RAET1G: variants seen among roughly 807,000 people sequenced by gnomAD.
RAET1G encodes retinoic acid early transcript 1G, also known as UL-16 binding protein 5.
A neutral mutation model predicts 29.5 loss-of-function variants in RAET1G; 25 were observed. That is an observed-to-expected ratio of 0.85 (90% CI 0.62 to 1.18). RAET1G has a LOEUF of 1.18. Ranked by LOEUF, RAET1G falls within the 50% of genes most tolerant of loss-of-function variation. The pLI is 0.00. For missense variants in RAET1G, 434 were observed against 423.6 expected, an observed-to-expected ratio of 1.02 and a Z score of -0.22; for synonymous variants, 167 against 159.5, an observed-to-expected ratio of 1.05 and a Z score of -0.36.
chr6:149,921,870 C>A (rs1778606866), intron 1 of RAET1G, among the ~76,000 whole-genome samples: 1 of 152,166 alleles, frequency 6.6e-6, no homozygotes, highest in Non-Finnish European at 1.5e-5. Flanking sequence ...GTAATCCCCT[C>A]ATCTAGGGTC....
At position 149,918,167 on chromosome 6, in the gene RAET1G, C is replaced by T. The variant is rs544085597; in HGVS notation, c.842+7G>A. 1.4e-4 allele frequency: 232 copies of T among 1,613,566 alleles called. 3 individuals carry two copies. The South Asian group carries it at 2.3e-3, about 16-fold the overall frequency. On this transcript the variant is annotated splice_region_variant and intron_variant, in intron 4 of 4. Coordinates refer to ENST00000367360, the MANE Select transcript of RAET1G (RefSeq NM_001001788.4). Reference sequence around the variant, plus strand: ...CCTTTGCTCCACTCCCAATTCTGCCCCCATACCTGTCACTCCAAAGGACTC... The same window carrying T: ...CCTTTGCTCCACTCCCAATTCTGCCTCCATACCTGTCACTCCAAAGGACTC...
Position 149,923,057 on chromosome 6 carries a change from G to A in RAET1G, c.-47C>T, listed in dbSNP as rs916095418. ...ACAGCAGAAGCGAAGCCCAGCCCGT[G>A]GATCACCTGGCGGCTCGCAGGCTGT... On this transcript the variant is annotated 5_prime_UTR_variant, in exon 1 of 5. Coordinates refer to ENST00000367360, the MANE Select transcript of RAET1G (RefSeq NM_001001788.4). The A allele has an allele frequency of 2.1e-6, 3 of 1,411,902 alleles. No individual in the cohort carries two copies. In the African/African-American group the frequency reaches 4.2e-5, roughly 20 times the overall value. 87.5% of individuals were successfully genotyped at this position (1,411,902 alleles called of 1,614,324 possible).
Position 149,918,354 on chromosome 6 carries a change from T to G in RAET1G, c.662A>C (p.Gln221Pro). Residue 221 changes from glutamine (Q) to proline (P), a missense_variant, in exon 4 of 5, where the codon CAA becomes CCA. Physicochemically the swap from Gln to Pro is moderately conservative, Grantham distance 76 (BLOSUM62 -1). Transcript: ENST00000367360. ...APPTMSSGTAQPRATATTLIL... is the reference protein window; with the variant it reads ...APPTMSSGTAPPRATATTLIL... ...GAGGGTGGTGGCCGTGGCCCTGGGTTGGGCTGTGCCTGAGGACATGGTGGG... is the reference window on the plus strand; with the variant it reads ...GAGGGTGGTGGCCGTGGCCCTGGGTGGGGCTGTGCCTGAGGACATGGTGGG... 6.2e-7 allele frequency: 1 copy of G among 1,614,078 alleles called. No homozygotes were observed. The highest frequency in any genetic ancestry group is 1.3e-5 in the African/African-American group (1 of 75,020).
chr6:149,922,578 G>A (rs1439002425), intron 1 of RAET1G, among the ~76,000 whole-genome samples: 1 of 152,098 alleles, frequency 6.6e-6, no homozygotes, highest in Non-Finnish European at 1.5e-5. Context: ...CCCCTGTCCT[G>A]ACCCCAGCTC....
rs1472112241 is a variant in RAET1G, at chr6:149,918,316, G to GGCA, written c.697_699dup (p.Cys233dup). The GGCA allele has an allele frequency of 9.9e-6, 16 of 1,613,496 alleles. No individual in the cohort carries two copies. The highest frequency in any genetic ancestry group is 1.3e-5 in the Non-Finnish European group (15 of 1,179,630). ...CATATGAGGAGACACATGATGAGGA[G>GGCA]GCAGCAAAGGATGAGGGTGGTGGCC... is the stretch of plus-strand genomic sequence containing the variant. On this transcript the variant is annotated inframe_insertion, in exon 4 of 5. Coordinates refer to ENST00000367360, the MANE Select transcript of RAET1G (RefSeq NM_001001788.4).
intron 2 of RAET1G, 70 bp downstream of exon 2, chr6:149,919,483 T>C: frequency 1.9e-6 from 3 of 1,613,336 alleles, no homozygotes; most frequent in Admixed American, 1.7e-5. Context: ...TATTTTTACA[T>C]GAAAACTATA....
chr6:149,918,390 A>G lies in RAET1G; in HGVS notation c.632-6T>C. ...TGAGGACATGGTGGGTGGTGCTGAA[A>G]TGGAAGCACAAGAGTGACAACCCTT... On this transcript the variant is annotated splice_polypyrimidine_tract_variant and splice_region_variant and intron_variant, in intron 3 of 4. Coordinates refer to ENST00000367360, the MANE Select transcript of RAET1G (RefSeq NM_001001788.4). 2.5e-6 allele frequency: 4 copies of G among 1,613,880 alleles called. No individual in the cohort carries two copies. Among genetic ancestry groups the G allele is most frequent in the Non-Finnish European group, 3.4e-6 (4 of 1,179,778 alleles).
chr6:149,919,667 T>C lies in RAET1G; in HGVS notation c.235A>G (p.Lys79Glu), dbSNP rs530409355. The change falls in exon 2 of 5, where the codon AAG becomes GAG. Residue 79 changes from lysine to glutamate, a missense_variant. Coordinates refer to ENST00000367360, the MANE Select transcript of RAET1G (RefSeq NM_001001788.4). ...KTVTPVSPLGKKLNVTTAWKA... is the reference protein window; with the variant it reads ...KTVTPVSPLGEKLNVTTAWKA... Reference sequence around the variant, plus strand: ...CAGGCCGTTGTGACATTTAGTTTCTTCCCCAGGGGACTGACGGGTGTGACT... The same window carrying C: ...CAGGCCGTTGTGACATTTAGTTTCTCCCCCAGGGGACTGACGGGTGTGACT... 3.1e-6 allele frequency: 5 copies of C among 1,613,972 alleles called. No individual in the cohort carries two copies. Among genetic ancestry groups the C allele is most frequent in the African/African-American group, 1.3e-5 (1 of 75,040 alleles).
chr6:149,919,265 C>T lies in RAET1G; in HGVS notation c.409G>A (p.Gly137Arg). 6.2e-7 allele frequency: 1 copy of T among 1,614,222 alleles called. No individual in the cohort carries two copies. The highest frequency in any genetic ancestry group is 8.5e-7 in the Non-Finnish European group (1 of 1,180,042). ...CCATCGAAACTGAGCTGCCAAGATC[C>T]ACTGCCGTGTCCTTCGGCTTTCTGC... ...CEQKAEGHGS[G>R]SWQLSFDGQI... is the part of the protein sequence containing the mutation. Residue 137 changes from glycine to arginine, a missense_variant, in exon 3 of 5, where the codon GGA (glycine) becomes AGA (arginine). Transcript: ENST00000367360.
chr6:149,920,226 G>T (rs1778567224), intron 1 of RAET1G, among the ~76,000 whole-genome samples: 1 of 152,152 alleles, frequency 6.6e-6, no homozygotes, highest in South Asian at 2.1e-4. Context: ...TGGTGGGACG[G>T]AGTGAGGATG....
At position 149,921,333 on chromosome 6, in the gene RAET1G, C is replaced by G. The variant is rs187869407; in HGVS notation, c.86-1517G>C. 2.0e-5 allele frequency among the ~76,000 whole-genome samples: 3 copies of G among 152,312 alleles called. No individual in the cohort carries two copies. The East Asian group carries it at 5.8e-4, about 29-fold the overall frequency. ...ATGTGAATGTTCAGAGGCAAGGCAA[C>G]GCCACTCACAGCAAGGAAATCTCAA... On this transcript the variant is annotated intron_variant, in intron 1 of 4. Coordinates refer to ENST00000367360, the MANE Select transcript of RAET1G (RefSeq NM_001001788.4).
At position 149,922,175 on chromosome 6, in the gene RAET1G, G is replaced by T. The variant is rs1422387681; in HGVS notation, c.85+751C>A. 5.3e-5 allele frequency among the ~76,000 whole-genome samples: 8 copies of T among 152,228 alleles called. 1 individual carries two copies. In the South Asian group the frequency reaches 1.2e-3, roughly 24 times the overall value. On this transcript the variant is annotated intron_variant, in intron 1 of 4. Coordinates refer to ENST00000367360, the MANE Select transcript of RAET1G (RefSeq NM_001001788.4). ...CCAGGGTCATCCTGGAGGAAATGGT[G>T]CTTCCCATCCCCCCTGCACAGGTTC...
rs570119418 is a variant in RAET1G, at chr6:149,922,378, G to A, written c.85+548C>T. ...CTGGGTGGTGGCAGTGGATGGTGAG[G>A]GGAGGGTGGGAAGTGTCTGCTGAGC... is the stretch of plus-strand genomic sequence containing the variant. On this transcript the variant is annotated intron_variant, in intron 1 of 4. Coordinates refer to ENST00000367360, the MANE Select transcript of RAET1G (RefSeq NM_001001788.4). 9.5e-4 allele frequency among the ~76,000 whole-genome samples: 144 copies of A among 152,266 alleles called. 1 individual carries two copies. The highest frequency in any genetic ancestry group is 3.2e-3 in the African/African-American group (131 of 41,554).
At position 149,918,349 on chromosome 6, in the gene RAET1G, T is replaced by C. The variant is rs1476047127; in HGVS notation, c.667A>G (p.Arg223Gly). ...PTMSSGTAQPRATATTLILCC... is the reference protein window; with the variant it reads ...PTMSSGTAQPGATATTLILCC... ...AGGATGAGGGTGGTGGCCGTGGCCC[T>C]GGGTTGGGCTGTGCCTGAGGACATG... Residue 223 changes from arginine to glycine, a missense_variant, in exon 4 of 5, where the codon AGG becomes GGG. By Grantham distance (125) the Arg-to-Gly change is moderately radical. Coordinates refer to ENST00000367360, the MANE Select transcript of RAET1G (RefSeq NM_001001788.4). 2 of 1,613,962 alleles carry C rather than the reference T, an allele frequency of 1.2e-6. No homozygotes were observed. The highest frequency in any genetic ancestry group is 2.2e-5 in the East Asian group (1 of 44,888).
chr6:149,917,175 G>A lies in RAET1G; in HGVS notation c.843-101C>T, dbSNP rs898603410. ...ATTCTGCTACCGCTATCTAGAAGGC[G>A]GAGCCAGGTGTACAGGGCGGAACAT... On this transcript the variant is annotated intron_variant, in intron 4 of 4. Coordinates refer to ENST00000367360, the MANE Select transcript of RAET1G (RefSeq NM_001001788.4). 15 of 1,417,736 alleles carry A rather than the reference G, an allele frequency of 1.1e-5. No individual in the cohort carries two copies. The African/African-American group carries it at 1.4e-4, about 14-fold the overall frequency. The allele number at this position is 1,417,736 out of a possible 1,614,324, so 87.8% of individuals were successfully genotyped here.
chr6:149,920,233 G>A (rs984612374), intron 1 of RAET1G, among the ~76,000 whole-genome samples: 19 of 152,288 alleles, frequency 1.2e-4, no homozygotes, highest in African/African-American at 4.6e-4. Flanking sequence ...ACGGAGTGAG[G>A]ATGGAACCCA....
chr6:149,917,312 G>A (rs1229027649), intron 4 of RAET1G, among the ~76,000 whole-genome samples: 2 of 152,208 alleles, frequency 1.3e-5, no homozygotes, highest in Admixed American at 1.3e-4. Context: ...AAGAGGTGGT[G>A]GAGCAGAGTC....
In RAET1G at chr6:149,919,345, T is replaced by G. The variant is rs1778538855; in HGVS notation, c.350-21A>C. 5.0e-6 allele frequency: 8 copies of G among 1,608,634 alleles called. No individual in the cohort carries two copies. The Middle Eastern group carries it at 5.0e-4, about 100-fold the overall frequency. On this transcript the variant is annotated intron_variant, in intron 2 of 4. Coordinates refer to ENST00000367360, the MANE Select transcript of RAET1G (RefSeq NM_001001788.4). The stretch of plus-strand genomic sequence containing the variant: ...GGGTTCTGCCCCCATCAAAGAGAGA[T>G]CAGCTCTGGCCTTGACAGATATTGA...
At chr6:149,920,337 C>T (rs1174720798) in intron 1 of RAET1G, among the ~76,000 whole-genome samples, 3 of 152,138 alleles carry the variant, frequency 2.0e-5, no homozygotes, top group African/African-American at 4.8e-5. Context: ...AGGATGCCTT[C>T]CTGAAACCTT....
Sources: gnomAD v4.1 joint callset for allele counts (sites outside exome capture counted in the v4.1 genomes callset) on GRCh38, gnomAD v4.1.1 for gene constraint, MANE v1.5 for transcripts, NCBI Gene and HGNC (gene_info 2026-07-23, HGNC 2026-07-21) for gene names.